Variants in SLC22A12 observed in about 807,000 individuals in gnomAD.
SLC22A12 encodes organic anion transporter 4-like protein.
SLC22A12 carries 56 observed loss-of-function variants against 52.7 expected under a neutral mutation model. The observed-to-expected ratio is 1.06, with a 90% CI of 0.86 to 1.33. The LOEUF is 1.33. Among genes scored for constraint, SLC22A12 ranks in the 40% most tolerant of loss-of-function variants. SLC22A12 has a pLI of 0.00. For synonymous variants in SLC22A12, 337 were observed against 324.6 expected, an observed-to-expected ratio of 1.04 and a Z score of -0.41; for missense variants, 683 against 741.5, an observed-to-expected ratio of 0.92 and a Z score of 0.92.
chr11:64,595,836 G>GATGGTTGA (rs751846788), intron 4 of SLC22A12, among the ~76,000 whole-genome samples: 37 of 145,366 alleles, frequency 2.5e-4, no homozygotes, highest in East Asian at 8.8e-4. Flanking sequence ...CGGTTGAATG[G>GATGGTTGA]ATGGATGGAT....
At position 64,593,289 on chromosome 11, in the gene SLC22A12, T is replaced by A; in HGVS notation, c.507-116T>A. On this transcript the variant is annotated intron_variant, in intron 2 of 9. Coordinates refer to ENST00000377574, the MANE Select transcript of SLC22A12 (RefSeq NM_144585.4). The stretch of plus-strand genomic sequence containing the variant: ...ATGTAGGTTTCACCCAGGTGCCGCT[T>A]CAGTGTCCGCCTCAGCTCAGCGGGC... 5 of 1,522,382 alleles carry A rather than the reference T, an allele frequency of 3.3e-6. No homozygotes were observed. In the South Asian group the frequency reaches 5.6e-5, roughly 17 times the overall value. The allele number at this position is 1,522,382 out of a possible 1,614,324, so 94.3% of individuals were successfully genotyped here.
chr11:64,593,857 C>A, intron 4 of SLC22A12, 54 bp downstream of exon 4: 1 of 1,577,880 alleles, frequency 6.3e-7, no homozygotes, highest in Non-Finnish European at 8.6e-7. Context: ...CACTCTCCAC[C>A]CGGGGGAATG....
intron 4 of SLC22A12, among the ~76,000 whole-genome samples, chr11:64,596,340 GTGGATGGATGGATGA>G (rs2039239934): frequency 2.6e-5 from 3 of 117,534 alleles, no homozygotes; most frequent in Admixed American, 8.7e-5. Context: ...GGATGGATGG[GTGGATGGATGGATGA>G]ATGGATGGAT....
chr11:64,600,580 T>C (rs1461582027), intron 8 of SLC22A12, 105 bp downstream of exon 8: 1 of 1,361,648 alleles, frequency 7.3e-7, no homozygotes, highest in African/African-American at 1.4e-5. Flanking sequence ...ATGTCATGCA[T>C]CTCCCTCTTG....
chr11:64,591,718 G>A lies in SLC22A12; in HGVS notation c.162G>A (p.Leu54=). 4 of 1,612,572 alleles carry A rather than the reference G, an allele frequency of 2.5e-6. No individual in the cohort carries two copies. Among genetic ancestry groups the A allele is most frequent in the Non-Finnish European group, 3.4e-6 (4 of 1,180,024 alleles). The part of the protein sequence containing the change: ...VPSHRCWAPL[L]DNSTAQASIL... ...GCCACCGCTGCTGGGCACCCCTCCT[G>A]GACAACAGCACGGCTCAGGCCAGCA... Residue 54 remains leucine (L), a synonymous_variant, in exon 1 of 10, where the codon CTG becomes CTA. Transcript: ENST00000377574.
intron 4 of SLC22A12, among the ~76,000 whole-genome samples, chr11:64,595,925 TG>T (rs2039177699): frequency 4.1e-4 from 1 of 2,428 alleles, no homozygotes; most frequent in Non-Finnish European, 1.6e-3. Context: ...TTGGAAAAGA[TG>T]GATGGATGGA....
chr11:64,600,413 G>T lies in SLC22A12; in HGVS notation c.1332G>T (p.Gly444=), dbSNP rs1324108682. 1 of 1,608,066 alleles carries T rather than the reference G, an allele frequency of 6.2e-7. No homozygotes were observed. Among genetic ancestry groups the T allele is most frequent in the Non-Finnish European group, 8.5e-7 (1 of 1,179,300 alleles). Residue 444 remains glycine (G), a synonymous_variant, in exon 8 of 10, where the codon GGG becomes GGT. Transcript: ENST00000377574. ...RSALAVLGLG[G]VGAAFTCITI... is the part of the protein sequence containing the mutation. The stretch of plus-strand genomic sequence containing the variant: ...CCTTGGCCGTGCTGGGGCTGGGCGG[G>T]GTGGGGGCTGCCTTCACCTGCATCA...
chr11:64,599,632 C>A (rs1293842561), intron 6 of SLC22A12, 44 bp from the exon 7 acceptor site: 6 of 236,444 alleles, frequency 2.5e-5, no homozygotes, highest in South Asian at 6.9e-5. Flanking sequence ...ACCACCCCCC[C>A]CCACCCCCCA....
Position 64,591,590 on chromosome 11 carries a change from G to A in SLC22A12, c.34G>A (p.Gly12Ser). The A allele has an allele frequency of 6.2e-7, 1 of 1,613,000 alleles. No individual in the cohort carries two copies. Among genetic ancestry groups the A allele is most frequent in the Non-Finnish European group, 8.5e-7 (1 of 1,180,010 alleles). ...AFSELLDLVG[G>S]LGRFQVLQTM... ...TTCTGAACTCCTGGACCTCGTGGGTGGCCTGGGCAGGTTCCAGGTTCTCCA... is the reference window on the plus strand; with the variant it reads ...TTCTGAACTCCTGGACCTCGTGGGTAGCCTGGGCAGGTTCCAGGTTCTCCA... Residue 12 changes from glycine (G) to serine (S), a missense_variant, in exon 1 of 10, where the codon GGC (glycine) becomes AGC (serine). Transcript: ENST00000377574.
At chr11:64,597,738 C>G (rs989745967) in intron 4 of SLC22A12, among the ~76,000 whole-genome samples, 3 of 152,194 alleles carry the variant, frequency 2.0e-5, no homozygotes, top group Non-Finnish European at 4.4e-5. Context: ...AGGCAGGCCC[C>G]GTGTAGAGTG....
In SLC22A12 at chr11:64,592,285, G is replaced by A. The variant is rs191564579; in HGVS notation, c.402+327G>A. ...TGACTCCAGGCAACTCAGCAGCAGG[G>A]GGACTCAGTGACAATTCACTGGATT... On this transcript the variant is annotated intron_variant, in intron 1 of 9. Transcript: ENST00000377574. Among the ~76,000 whole-genome samples the A allele has an allele frequency of 1.4e-3, 208 of 152,244 alleles. 2 individuals carry two copies. The highest frequency in any genetic ancestry group is 2.5e-4 in the Non-Finnish European group (17 of 68,006).
Position 64,599,700 on chromosome 11 carries a change from C to T in SLC22A12, c.1095C>T (p.Phe365=), listed in dbSNP as rs770147626. 1.9e-5 allele frequency: 30 copies of T among 1,552,054 alleles called. No individual in the cohort carries two copies. The highest frequency in any genetic ancestry group is 2.5e-5 in the Non-Finnish European group (28 of 1,141,928). ...GGTTCGCCTTTGGCTTCACCTTCTT[C>T]GGCCTGGCCCTGGACCTGCAGGCCC... The part of the protein sequence containing the change: ...LCWFAFGFTF[F]GLALDLQALG... Residue 365 remains phenylalanine, a synonymous_variant, in exon 7 of 10, where the codon TTC becomes TTT. Coordinates refer to ENST00000377574, the MANE Select transcript of SLC22A12 (RefSeq NM_144585.4).
Position 64,598,908 on chromosome 11 carries a change from T to G in SLC22A12, c.1055T>G (p.Ile352Ser). 6.2e-7 allele frequency: 1 copy of G among 1,612,820 alleles called. No individual in the cohort carries two copies. ...RMPGLRFRTC[I>S]STLCWFAFGF... The stretch of plus-strand genomic sequence containing the variant: ...CCCGGACTGCGCTTCCGGACCTGTA[T>G]CTCCACGTTGTGCTGGTAGATGCCC... The change falls in exon 6 of 10, where the codon ATC (isoleucine) becomes AGC (serine). Residue 352 changes from isoleucine (I) to serine (S), a missense_variant. By Grantham distance (142) the Ile-to-Ser change is moderately radical (BLOSUM62 -2). Coordinates refer to ENST00000377574, the MANE Select transcript of SLC22A12 (RefSeq NM_144585.4).
chr11:64,600,849 G>A lies in SLC22A12; in HGVS notation c.1509G>A (p.Thr503=), dbSNP rs140671173. The A allele has an allele frequency of 2.5e-4, 405 of 1,608,512 alleles. No individual in the cohort carries two copies. Among genetic ancestry groups the A allele is most frequent in the Non-Finnish European group, 2.3e-4 (275 of 1,179,970 alleles). The part of the protein sequence containing the change: ...GPWLPLLVYG[T]VPVLSGLAAL... Reference sequence around the variant, plus strand: ...GGCTGCCCTTGCTGGTGTATGGGACGGTGCCAGTGCTGAGTGGCCTGGCCG... The same window carrying A: ...GGCTGCCCTTGCTGGTGTATGGGACAGTGCCAGTGCTGAGTGGCCTGGCCG... Residue 503 remains threonine, a synonymous_variant, in exon 9 of 10, where the codon ACG becomes ACA. Transcript: ENST00000377574.
chr11:64,595,233 G>GA (rs2039102552), intron 4 of SLC22A12, among the ~76,000 whole-genome samples: 2 of 116,096 alleles, frequency 1.7e-5, no homozygotes, highest in East Asian at 2.8e-4. Flanking sequence ...TGGATGGATG[G>GA]ATGGATGGAT....
intron 9 of SLC22A12, 126 bp downstream of exon 9, chr11:64,601,064 C>T: frequency 1.6e-5 from 20 of 1,248,116 alleles, no homozygotes; most frequent in Non-Finnish European, 2.3e-5. Flanking sequence ...ATAGGATTGG[C>T]CCAGAGTCAC....
rs375040493 is a variant in SLC22A12, at chr11:64,598,827, G to A, written c.974G>A (p.Arg325Gln). 9.9e-6 allele frequency: 16 copies of A among 1,612,406 alleles called. No homozygotes were observed. The highest frequency in any genetic ancestry group is 2.2e-5 in the East Asian group (1 of 44,884). ...CCACAGGTCTTGCTTTCAGCCATGC[G>A]GGAGGAGCTGAGCATGGGCCAGCCT... ...LTPEVLLSAM[R>Q]EELSMGQPPA... Residue 325 changes from arginine (R) to glutamine (Q), a missense_variant, in exon 6 of 10, where the codon CGG becomes CAG. Coordinates refer to ENST00000377574, the MANE Select transcript of SLC22A12 (RefSeq NM_144585.4).
At chr11:64,597,451 A>G (rs180889818) in intron 4 of SLC22A12, among the ~76,000 whole-genome samples, 3 of 152,104 alleles carry the variant, frequency 2.0e-5, no homozygotes, top group Admixed American at 2.0e-4. Context: ...CTCCTCCCCA[A>G]GTCTTCCCCA....
intron 2 of SLC22A12, 129 bp from the exon 3 acceptor site, chr11:64,593,276 C>A: frequency 7.0e-7 from 1 of 1,437,328 alleles, no homozygotes; most frequent in Non-Finnish European, 9.7e-7. Flanking sequence ...GTAGGTTTCA[C>A]CCAGGTGCCG....
Sources: allele counts gnomAD v4.1 joint callset (sites outside exome capture counted in the v4.1 genomes callset), GRCh38; gene constraint gnomAD v4.1.1; transcripts MANE v1.5; gene names NCBI Gene and HGNC (gene_info 2026-07-23, HGNC 2026-07-21).